The following ULK1 variants were observed in gnomAD, a reference collection of about 807,000 sequenced individuals.
ULK1 encodes the protein serine/threonine-protein kinase ULK1.
ULK1 carries 48 observed loss-of-function variants against 117.5 expected under a neutral mutation model. That is an observed-to-expected ratio of 0.41 (90% CI 0.32 to 0.52). The LOEUF (loss-of-function observed/expected upper bound fraction) is 0.52, where lower values mean the gene tolerates loss of function less well. ULK1 is among the 20% of genes least tolerant of loss of function. The pLI, the probability that ULK1 is intolerant of heterozygous loss-of-function variation, is 0.29. For synonymous variants in ULK1, 790 were observed against 637.8 expected, an observed-to-expected ratio of 1.24 and a Z score of -3.60; for missense variants, 1,387 against 1,473.4, an observed-to-expected ratio of 0.94 and a Z score of 0.96.
Position 131,908,826 on chromosome 12 carries a change from G to A in ULK1, c.490+9G>A, listed in dbSNP as rs768497731. 2.5e-6 allele frequency: 4 copies of A among 1,605,878 alleles called. No individual in the cohort carries two copies. Among genetic ancestry groups the A allele is most frequent in the African/African-American group, 2.7e-5 (2 of 74,706 alleles). ...CATCCGCGTCAAGATCGGTCAGCCC[G>A]CGGGCAGGCAGGCGGGCCCGGCGGG... is the stretch of plus-strand genomic sequence containing the variant. On this transcript the variant is annotated intron_variant, in intron 6 of 27. Coordinates refer to ENST00000321867, the MANE Select transcript of ULK1 (RefSeq NM_003565.4).
chr12:131,904,781 A>G (rs533026695), intron 3 of ULK1, among the ~76,000 whole-genome samples: 120 of 152,150 alleles, frequency 7.9e-4, no homozygotes, highest in African/African-American at 2.8e-3. Flanking sequence ...GTGGGCACCT[A>G]TGGGCACTCA....
At position 131,918,893 on chromosome 12, in the gene ULK1, A is replaced by G. The variant is rs116114023; in HGVS notation, c.2511+212A>G. Among the ~76,000 whole-genome samples, 478 of 6,000 alleles carry G rather than the reference A, an allele frequency of 0.08. No individual in the cohort carries two copies. The highest frequency in any genetic ancestry group is 0.1 in the Middle Eastern group (1 of 10). The allele number at this position is 6,000 out of a possible 152,430, so 3.9% of individuals were successfully genotyped here. On this transcript the variant is annotated intron_variant, in intron 23 of 27. Transcript: ENST00000321867. ...GTGGGGTGTCGGGTGTGTGGGGTGT[A>G]GGGTGTGGGGTGTAGGGTGTGTGGG...
chr12:131,894,697 C>T lies in ULK1; in HGVS notation c.-305C>T, dbSNP rs1593254860. 1 of 151,630 alleles carries T rather than the reference C, an allele frequency of 6.6e-6. No homozygotes were observed. The highest frequency in any genetic ancestry group is 1.5e-5 in the Non-Finnish European group (1 of 67,844). 9.4% of individuals were successfully genotyped at this position (151,630 alleles called of 1,614,324 possible). ...TTTTGTTTCTCCGTTGGGGCCGAGC[C>T]CGGGCCCTAGTTGGAGCCGGAGTCG... On this transcript the variant is annotated 5_prime_UTR_variant, in exon 1 of 28. Coordinates refer to ENST00000321867, the MANE Select transcript of ULK1 (RefSeq NM_003565.4).
rs1471451555 is a variant in ULK1, at chr12:131,903,874, A to G, written c.247-3018A>G. ...GGGGACAGAGGAGGGCTGCCAGCAC[A>G]GTGGGGAGGGCAGAGGGGTCTCTAG... On this transcript the variant is annotated intron_variant, in intron 3 of 27. Transcript: ENST00000321867. This position sits in a 1 kb window ranked among gnomAD's most constrained non-coding sequence, Gnocchi z 6.0. Among the ~76,000 whole-genome samples the G allele has an allele frequency of 6.6e-6, 1 of 152,066 alleles. No individual in the cohort carries two copies. Among genetic ancestry groups the G allele is most frequent in the African/African-American group, 2.4e-5 (1 of 41,402 alleles).
chr12:131,919,026 G>A (rs1454803659), intron 23 of ULK1, among the ~76,000 whole-genome samples, 186 bp from the exon 24 acceptor site: 1 of 149,496 alleles, frequency 6.7e-6, no homozygotes, highest in African/African-American at 2.5e-5. Flanking sequence ...TCGGCTGTGT[G>A]GGGTGTACGG....
chr12:131,896,615 G>A (rs1888882968), intron 3 of ULK1: 2 of 152,424 alleles, frequency 1.3e-5, no homozygotes, highest in Non-Finnish European at 2.9e-5. Flanking sequence ...GTGGCCTTGG[G>A]GACCGAGGCT....
In ULK1 at chr12:131,909,929, G is replaced by T; in HGVS notation, c.736G>T (p.Glu246Ter). The T allele has an allele frequency of 6.2e-7, 1 of 1,612,008 alleles. No homozygotes were observed. The highest frequency in any genetic ancestry group is 1.1e-5 in the South Asian group (1 of 91,048). Reference protein sequence around the residue: ...NKTLVPTIPRETSAPLRQLLL... With the variant: ...NKTLVPTIPR ...CTCCTCTTGCCCCAGCATCCCCCGG[G>T]AGACCTCGGCCCCGCTGCGGCAGCT... Residue 246 changes from glutamate to a stop codon, truncating the protein, a stop_gained, in exon 10 of 28, where the codon GAG becomes TAG. Transcript: ENST00000321867. LOFTEE classifies it high-confidence loss of function.
chr12:131,910,126 C>T (rs565853666), intron 10 of ULK1, 125 bp downstream of exon 10: 4 of 1,559,880 alleles, frequency 2.6e-6, no homozygotes, highest in Admixed American at 3.4e-5. Context: ...ACAAGCCAAG[C>T]GCAGGCAGGG....
At chr12:131,917,306 GGGGAGCTCGGAGGCCGTGGGATGGGGGTC>G in intron 21 of ULK1, 76 bp from the exon 22 acceptor site, 1 of 158,016 alleles carries the variant, frequency 6.3e-6, no homozygotes, top group Non-Finnish European at 1.1e-5. Flanking sequence ...CGGGGGTTGG[GGGGAGCTCGGAGGCCGTGGGATGGGGGTC>G]GGGTTCGGCT....
Position 131,921,470 on chromosome 12 carries a change from G to C in ULK1, c.*109G>C. 2.0e-6 allele frequency: 3 copies of C among 1,525,442 alleles called. No individual in the cohort carries two copies. The highest frequency in any genetic ancestry group is 1.8e-6 in the Non-Finnish European group (2 of 1,119,372). 94.5% of individuals were successfully genotyped at this position (1,525,442 alleles called of 1,614,324 possible). A position where few individuals can be genotyped will look rare whatever the true frequency, so the allele number is the denominator to read the frequency against. On this transcript the variant is annotated 3_prime_UTR_variant, in exon 28 of 28. Transcript: ENST00000321867. ...CCATGGCGCTGATCGCTGGTGCTGA[G>C]CCCTGCCCTGGGCCCCACGGACAGT...
chr12:131,896,239 G>T (rs1369494317), intron 3 of ULK1, among the ~76,000 whole-genome samples: 2 of 152,200 alleles, frequency 1.3e-5, no homozygotes, highest in Non-Finnish European at 2.9e-5. Flanking sequence ...CAGACGGGGC[G>T]GGGGAGGGGC....
Position 131,917,020 on chromosome 12 carries a change from C to G in ULK1, c.2140C>G (p.Pro714Ala), listed in dbSNP as rs1347434449. The G allele has an allele frequency of 5.9e-6, 9 of 1,527,258 alleles. No homozygotes were observed. In the Middle Eastern group the frequency reaches 5.2e-4, roughly 89 times the overall value. 94.6% of individuals were successfully genotyped at this position (1,527,258 alleles called of 1,614,324 possible). A position where few individuals can be genotyped will look rare whatever the true frequency, so the allele number is the denominator to read the frequency against. The change falls in exon 21 of 28, where the codon CCG becomes GCG. Residue 714 changes from proline (P) to alanine (A), a missense_variant. Coordinates refer to ENST00000321867, the MANE Select transcript of ULK1 (RefSeq NM_003565.4). Reference protein sequence around the residue: ...KAAFGTQAPDPGSTESLQEKP... With the variant: ...KAAFGTQAPDAGSTESLQEKP... ...GGCGTTTGGGACACAAGCCCCGGAC[C>G]CGGGCAGCACGGAGAGCCTGCAGGA... is the stretch of plus-strand genomic sequence containing the variant.
intron 26 of ULK1, 51 bp downstream of exon 26, chr12:131,920,187 C>G: frequency 6.3e-7 from 1 of 1,588,624 alleles, no homozygotes. Context: ...CTTCCAGGCC[C>G]GCCGTCTCCA....
chr12:131,921,224 A>G lies in ULK1; in HGVS notation c.3086A>G (p.Asn1029Ser). 1.2e-6 allele frequency: 2 copies of G among 1,607,698 alleles called. No individual in the cohort carries two copies. Among genetic ancestry groups the G allele is most frequent in the Non-Finnish European group, 1.7e-6 (2 of 1,179,780 alleles). ...CTCTCGGACCAGGCCGACATCGAGA[A>G]CGTCACCAAGTGTGAGTGCCCGGCT... is the stretch of plus-strand genomic sequence containing the variant. ...HMLSDQADIE[N>S]VTKCKLCIER... The change falls in exon 27 of 28, where the codon AAC (asparagine) becomes AGC (serine). Residue 1029 changes from asparagine to serine, a missense_variant. By Grantham distance (46) the Asn-to-Ser change is conservative. This residue lies in a region of ULK1 where 900 missense variants were observed against 858.9 expected (regional missense o/e 1.05). Coordinates refer to ENST00000321867, the MANE Select transcript of ULK1 (RefSeq NM_003565.4).
chr12:131,922,874 G>A lies in ULK1; in HGVS notation c.*1513G>A, dbSNP rs976427068. Reference sequence around the variant, plus strand: ...GCTTTATTCTCACCTTGTGGGGCATGTTTGTATTTATTGCTTCATGGCCGA... The same window carrying A: ...GCTTTATTCTCACCTTGTGGGGCATATTTGTATTTATTGCTTCATGGCCGA... On this transcript the variant is annotated 3_prime_UTR_variant, in exon 28 of 28. Transcript: ENST00000321867. 1.3e-5 allele frequency: 2 copies of A among 152,476 alleles called. No homozygotes were observed. The highest frequency in any genetic ancestry group is 2.4e-5 in the African/African-American group (1 of 41,464). 9.4% of individuals were successfully genotyped at this position (152,476 alleles called of 1,614,324 possible).
At position 131,913,852 on chromosome 12, in the gene ULK1, G is replaced by C; in HGVS notation, c.1247+16G>C. 3 of 1,502,374 alleles carry C rather than the reference G, an allele frequency of 2.0e-6. No individual in the cohort carries two copies. Among genetic ancestry groups the C allele is most frequent in the Non-Finnish European group, 2.7e-6 (3 of 1,125,398 alleles). The allele number at this position is 1,502,374 out of a possible 1,614,324, so 93.1% of individuals were successfully genotyped here. A position where few individuals can be genotyped will look rare whatever the true frequency, so the allele number is the denominator to read the frequency against. ...GTCCCTCAGGGTAAGCAGGGCCCCAGGCTGGGTGGATGGGGCTGTGAACAG... is the reference window on the plus strand; with the variant it reads ...GTCCCTCAGGGTAAGCAGGGCCCCACGCTGGGTGGATGGGGCTGTGAACAG... On this transcript the variant is annotated intron_variant, in intron 15 of 27. Coordinates refer to ENST00000321867, the MANE Select transcript of ULK1 (RefSeq NM_003565.4).
At chr12:131,898,281 G>C (rs962424040) in intron 3 of ULK1, 1 of 152,216 alleles carries the variant, frequency 6.6e-6, no homozygotes. Context: ...ACATCAGGGT[G>C]GTTGTGACTG....
In ULK1 at chr12:131,909,006, C is replaced by T. The variant is rs575857025; in HGVS notation, c.564+35C>T. The T allele has an allele frequency of 1.4e-5, 23 of 1,612,424 alleles. No individual in the cohort carries two copies. The African/African-American group carries it at 2.0e-4, about 14-fold the overall frequency. ...CCTTGGCCGGGCTGTGCCGGGTGGGCGCCTCTCTGGGCTTGCTGGTTGGTT... is the reference window on the plus strand; with the variant it reads ...CCTTGGCCGGGCTGTGCCGGGTGGGTGCCTCTCTGGGCTTGCTGGTTGGTT... On this transcript the variant is annotated intron_variant, in intron 7 of 27. Coordinates refer to ENST00000321867, the MANE Select transcript of ULK1 (RefSeq NM_003565.4).
In ULK1 at chr12:131,903,409, A is replaced by G. The variant is rs1355787647; in HGVS notation, c.247-3483A>G. Among the ~76,000 whole-genome samples the G allele has an allele frequency of 6.6e-6, 1 of 151,864 alleles. No individual in the cohort carries two copies. The highest frequency in any genetic ancestry group is 6.6e-5 in the Admixed American group (1 of 15,250). Reference sequence around the variant, plus strand: ...TTTCCCAGCCTGGGCACGCCTCCCAACCTCTGGGGCCTCAGTGTGCTCGTA... The same window carrying G: ...TTTCCCAGCCTGGGCACGCCTCCCAGCCTCTGGGGCCTCAGTGTGCTCGTA... On this transcript the variant is annotated intron_variant, in intron 3 of 27. Coordinates refer to ENST00000321867, the MANE Select transcript of ULK1 (RefSeq NM_003565.4). The surrounding 1 kb of genome is among the most constrained non-coding windows in gnomAD (Gnocchi z 6.0).
Sources: allele counts gnomAD v4.1 joint callset (sites outside exome capture counted in the v4.1 genomes callset), GRCh38; gene constraint gnomAD v4.1.1; regional missense constraint gnomAD v4.1.1; non-coding constraint Gnocchi (gnomAD v3.1); transcripts MANE v1.5; gene names NCBI Gene and HGNC (gene_info 2026-07-23, HGNC 2026-07-21).